The following HTR7 variants were observed in gnomAD, a reference collection of about 807,000 sequenced individuals.
HTR7 encodes 5-HT-7.
In HTR7, 16 loss-of-function variants were observed where a neutral mutation model predicts 34.0. That is an observed-to-expected ratio of 0.47 (90% CI 0.32 to 0.71). The LOEUF is 0.71. Ranked by LOEUF, HTR7 falls within the 30% of genes least tolerant of loss-of-function variation. The pLI is 0.04. For synonymous variants in HTR7, 265 were observed against 260.2 expected, an observed-to-expected ratio of 1.02 and a Z score of -0.18; for missense variants, 504 against 625.5, an observed-to-expected ratio of 0.81 and a Z score of 2.07.
At chr10:90,835,885 G>C (rs140099075) in intron 1 of HTR7, among the ~76,000 whole-genome samples, 1 of 152,120 alleles carries the variant, frequency 6.6e-6, no homozygotes, top group Non-Finnish European at 1.5e-5. Flanking sequence ...GGCAGACAAG[G>C]GTAGAGCACT....
chr10:90,798,410 T>C (rs1845573698), intron 1 of HTR7, among the ~76,000 whole-genome samples: 1 of 152,128 alleles, frequency 6.6e-6, no homozygotes, highest in South Asian at 2.1e-4. Flanking sequence ...CTGGGTTGGG[T>C]CCCAGGTATA....
intron 1 of HTR7, among the ~76,000 whole-genome samples, chr10:90,759,988 G>A (rs1844908679): frequency 6.6e-6 from 1 of 152,096 alleles, no homozygotes; most frequent in African/African-American, 2.4e-5. Flanking sequence ...AATCTTTCAG[G>A]AACAGATACC....
At chr10:90,797,726 T>C (rs999446420) in intron 1 of HTR7, among the ~76,000 whole-genome samples, 1 of 152,234 alleles carries the variant, frequency 6.6e-6, no homozygotes, top group Admixed American at 6.5e-5. Context: ...AAATGAATTA[T>C]CAGGGTAGAT....
chr10:90,857,710 C>T lies in HTR7; in HGVS notation c.-39G>A. 1 of 1,441,448 alleles carries T rather than the reference C, an allele frequency of 6.9e-7. No homozygotes were observed. Among genetic ancestry groups the T allele is most frequent in the Non-Finnish European group, 9.0e-7 (1 of 1,110,834 alleles). 89.3% of individuals were successfully genotyped at this position (1,441,448 alleles called of 1,614,324 possible). On this transcript the variant is annotated 5_prime_UTR_variant, in exon 1 of 4. Transcript: ENST00000336152. This position sits in a 1 kb window ranked among gnomAD's most constrained non-coding sequence, Gnocchi z 6.5. ...GCCGCTGCCCATGGAGCCGGCGCCCCGGCCACGCGCCTCCGGCTGCCGGCC... is the reference window on the plus strand; with the variant it reads ...GCCGCTGCCCATGGAGCCGGCGCCCTGGCCACGCGCCTCCGGCTGCCGGCC...
rs1844567810 is a variant in HTR7, at chr10:90,742,496, T to C, written c.1426A>G (p.Met476Val). The C allele has an allele frequency of 1.9e-6, 3 of 1,601,146 alleles. No homozygotes were observed. Among genetic ancestry groups the C allele is most frequent in the South Asian group, 1.1e-5 (1 of 90,550 alleles). Residue 476 changes from methionine (M) to valine (V), a missense_variant, in exon 4 of 4, where the codon ATG becomes GTG. By Grantham distance (21) the Met-to-Val change is conservative. Coordinates refer to ENST00000336152, the MANE Select transcript of HTR7 (RefSeq NM_019859.4). ...TTGTTCTGCTTTCAATCATGAATCA[T>C]GACCTTTTTTTCTACAGTAGTCAGC... ...KMLTTVEKKV[M>V]IHD
chr10:90,826,125 A>T (rs1277376290), intron 1 of HTR7, among the ~76,000 whole-genome samples: 1 of 152,196 alleles, frequency 6.6e-6, no homozygotes, highest in Admixed American at 6.5e-5. Context: ...GAAACAACAT[A>T]CTATGAGCTC....
chr10:90,781,328 C>T (rs1451649343), intron 1 of HTR7, among the ~76,000 whole-genome samples: 1 of 152,104 alleles, frequency 6.6e-6, no homozygotes, highest in African/African-American at 2.4e-5. Context: ...AATTTTAAAG[C>T]TGAATTATGA....
chr10:90,771,725 C>A (rs1845115741), intron 1 of HTR7, among the ~76,000 whole-genome samples: 2 of 152,190 alleles, frequency 1.3e-5, no homozygotes, highest in Non-Finnish European at 2.9e-5. Context: ...CCACTCCACA[C>A]CTGACTCACA....
chr10:90,794,025 A>G (rs1468086339), intron 1 of HTR7, among the ~76,000 whole-genome samples: 1 of 152,220 alleles, frequency 6.6e-6, no homozygotes, highest in African/African-American at 2.4e-5. Context: ...TGCCTCTCCC[A>G]GTCCACTGAC....
At chr10:90,750,933 G>A (rs1844723373) in intron 1 of HTR7, among the ~76,000 whole-genome samples, 1 of 152,188 alleles carries the variant, frequency 6.6e-6, no homozygotes, top group Non-Finnish European at 1.5e-5. Context: ...TGTTCCAGGT[G>A]TTGGGGATAG....
chr10:90,744,164 C>T (rs926709102), intron 2 of HTR7, among the ~76,000 whole-genome samples: 2 of 151,386 alleles, frequency 1.3e-5, no homozygotes, highest in African/African-American at 4.9e-5. Context: ...AGAATCTGCA[C>T]GGTGGCCACA....
chr10:90,843,096 C>T (rs1846355376), intron 1 of HTR7, among the ~76,000 whole-genome samples: 1 of 152,140 alleles, frequency 6.6e-6, no homozygotes, highest in South Asian at 2.1e-4. Flanking sequence ...AGGCACCATT[C>T]CCTTTTTTCT....
intron 1 of HTR7, among the ~76,000 whole-genome samples, chr10:90,770,844 A>G (rs1438665833): frequency 1.3e-5 from 2 of 152,120 alleles, no homozygotes; most frequent in Non-Finnish European, 2.9e-5. Context: ...GTGAGGCCCC[A>G]CCTTCGGGCC....
At chr10:90,831,074 C>T (rs1314046925) in intron 1 of HTR7, among the ~76,000 whole-genome samples, 1 of 152,168 alleles carries the variant, frequency 6.6e-6, no homozygotes, top group Non-Finnish European at 1.5e-5. Flanking sequence ...CTCTAAAATT[C>T]TGTATCAATC....
At chr10:90,797,391 C>T (rs1288005740) in intron 1 of HTR7, among the ~76,000 whole-genome samples, 1 of 152,170 alleles carries the variant, frequency 6.6e-6, no homozygotes, top group Non-Finnish European at 1.5e-5. Flanking sequence ...TTTTCTGCTT[C>T]TAATCTGACA....
chr10:90,793,749 C>A (rs1354694821), intron 1 of HTR7, among the ~76,000 whole-genome samples: 1 of 152,142 alleles, frequency 6.6e-6, no homozygotes, highest in Non-Finnish European at 1.5e-5. Context: ...GGAAGCCAGT[C>A]TGAGTCCCCA....
chr10:90,839,566 T>C (rs899014420), intron 1 of HTR7, among the ~76,000 whole-genome samples: 1 of 152,184 alleles, frequency 6.6e-6, no homozygotes, highest in Non-Finnish European at 1.5e-5. Flanking sequence ...ACAGAGGCCA[T>C]GATGAAAGTG....
intron 1 of HTR7, among the ~76,000 whole-genome samples, chr10:90,766,564 T>C (rs933988569): frequency 1.6e-4 from 24 of 152,342 alleles, no homozygotes; most frequent in Admixed American, 1.1e-3. Context: ...ACCACTGCCA[T>C]TTTGTTCGCT....
intron 1 of HTR7, among the ~76,000 whole-genome samples, chr10:90,838,835 A>T (rs1564699609): frequency 6.6e-6 from 1 of 152,178 alleles, no homozygotes; most frequent in Non-Finnish European, 1.5e-5. Context: ...GCCCTCCATG[A>T]TCACCCACTC....
Sources: gnomAD v4.1 joint callset for allele counts (sites outside exome capture counted in the v4.1 genomes callset) on GRCh38, gnomAD v4.1.1 for gene constraint, Gnocchi (gnomAD v3.1) non-coding constraint, MANE v1.5 for transcripts, NCBI Gene and HGNC (gene_info 2026-07-23, HGNC 2026-07-21) for gene names.